Variants in FGF13 observed in about 807,000 individuals in gnomAD.
The protein encoded by FGF13 is fibroblast growth factor 13.
Under a neutral mutation model 19.5 loss-of-function variants are expected in FGF13, and 2 were observed. The ratio of observed to expected loss-of-function variants is 0.10; its 90% CI spans 0.04 to 0.32. The LOEUF (loss-of-function observed/expected upper bound fraction) is 0.32, where lower values mean the gene tolerates loss of function less well. Ranked by LOEUF, FGF13 falls within the 10% of genes least tolerant of loss-of-function variation. The pLI, the probability that FGF13 is intolerant of heterozygous loss-of-function variation, is 1.00. For synonymous variants in FGF13, 72 were observed against 76.9 expected, an observed-to-expected ratio of 0.94 and a Z score of 0.33; for missense variants, 113 against 192.7, an observed-to-expected ratio of 0.59 and a Z score of 2.45.
At chrX:138,989,622 C>G (rs1313035666) in intron 1 of FGF13, among the ~76,000 whole-genome samples, 1 of 110,836 alleles carries the variant, frequency 9.0e-6, no homozygotes, top group Non-Finnish European at 1.9e-5. Flanking sequence ...GGAAATAGCA[C>G]AGACATCTAA....
chrX:139,072,180 G>T (rs903659928), intron 1 of FGF13, among the ~76,000 whole-genome samples: 5 of 109,161 alleles, frequency 4.6e-5, no homozygotes, highest in Non-Finnish European at 9.5e-5. Context: ...AAGGTTAAAT[G>T]AGTTCATAAA....
Position 138,728,533 on chromosome X carries a change from T to C in FGF13, c.28+10709A>G, listed in dbSNP as rs113787667. 5.1e-3 allele frequency among the ~76,000 whole-genome samples: 567 copies of C among 111,178 alleles called. 3 individuals are homozygous for C. Among genetic ancestry groups the C allele is most frequent in the African/African-American group, 0.018 (537 of 30,621 alleles). ...TAATGGTCCTCAGGCACAAGTCTAA[T>C]ATATGCTAGTAAACAAATTTCAGAA... On this transcript the variant is annotated intron_variant, in intron 1 of 4. Transcript: ENST00000305414.
chrX:139,169,751 C>A (rs961450152), intron 1 of FGF13, among the ~76,000 whole-genome samples: 1 of 111,537 alleles, frequency 9.0e-6, no homozygotes, highest in Admixed American at 9.5e-5. Flanking sequence ...GATGCCTCAT[C>A]AGTGAGCCAC....
intron 1 of FGF13, among the ~76,000 whole-genome samples, chrX:139,138,216 C>T (rs773927601): frequency 2.7e-5 from 3 of 111,960 alleles, no homozygotes; most frequent in Non-Finnish European, 3.8e-5. Context: ...GATGGTAAAA[C>T]GGAAGGTTAG....
At position 138,952,703 on chromosome X, in the gene FGF13, T is replaced by A. The variant is rs2091819773; in HGVS notation, c.-112-88053A>T. 2.7e-5 allele frequency among the ~76,000 whole-genome samples: 3 copies of A among 111,579 alleles called. No individual in the cohort carries two copies. The South Asian group carries it at 1.1e-3, about 42-fold the overall frequency. On this transcript the variant is annotated intron_variant, in intron 1 of 2. Coordinates refer to the FGF13 transcript ENST00000421460. ...TCTGACAAAGGGCTAATATCCAGAA[T>A]CTACATTGAACATAAACAAATTTAC... is the stretch of plus-strand genomic sequence containing the variant.
chrX:138,940,097 T>G (rs1161743623), intron 1 of FGF13, among the ~76,000 whole-genome samples: 1 of 111,759 alleles, frequency 8.9e-6, no homozygotes, highest in African/African-American at 3.3e-5. Context: ...TTTTTACTTT[T>G]TAATAATGGC....
intron 1 of FGF13, among the ~76,000 whole-genome samples, chrX:139,122,412 C>T (rs2083683796): frequency 9.0e-6 from 1 of 111,218 alleles, no homozygotes; most frequent in African/African-American, 3.3e-5. Flanking sequence ...AGAACCTGCT[C>T]CAAGCAGGTT....
intron 1 of FGF13, among the ~76,000 whole-genome samples, chrX:139,069,779 A>G (rs1331115276): frequency 8.9e-6 from 1 of 112,000 alleles, no homozygotes; most frequent in African/African-American, 3.2e-5. Context: ...GCACGAAAAC[A>G]GAAATATAGA....
At chrX:138,944,665 C>G (rs777680447) in intron 1 of FGF13, among the ~76,000 whole-genome samples, 183 of 110,516 alleles carry the variant, frequency 1.7e-3, no homozygotes, top group Non-Finnish European at 2.9e-3. Flanking sequence ...TTCTAAGGGC[C>G]CCTCAAGTTC....
intron 1 of FGF13, among the ~76,000 whole-genome samples, chrX:138,917,661 C>G (rs2091624192): frequency 8.9e-6 from 1 of 112,253 alleles, no homozygotes; most frequent in African/African-American, 3.2e-5. Flanking sequence ...TTCAAGTTCA[C>G]TAAAGATTAT....
At chrX:139,085,258 C>T (rs191430983) in intron 1 of FGF13, among the ~76,000 whole-genome samples, 1 of 111,915 alleles carries the variant, frequency 8.9e-6, no homozygotes, top group Non-Finnish European at 1.9e-5. Context: ...GGATCTAGAA[C>T]CCAAAAGACC....
chrX:138,826,385 C>T (rs1320163354), intron 3 of FGF13, among the ~76,000 whole-genome samples: 2 of 112,266 alleles, frequency 1.8e-5, no homozygotes, highest in African/African-American at 6.5e-5. Context: ...ATTCCTAACT[C>T]ATTTCCATAA....
intron 1 of FGF13, among the ~76,000 whole-genome samples, chrX:138,867,691 G>A (rs762149139): frequency 1.1e-4 from 12 of 111,040 alleles, no homozygotes; most frequent in Non-Finnish European, 1.7e-4. Context: ...ATCTCCCACC[G>A]GGTCTCTCCC....
At chrX:138,650,528 C>T (rs1279307081) in intron 3 of FGF13, among the ~76,000 whole-genome samples, 2 of 111,614 alleles carry the variant, frequency 1.8e-5, no homozygotes, top group East Asian at 2.8e-4. Context: ...TTATGACTAG[C>T]CAAATATGAG....
chrX:139,199,108 A>G (rs1206267105), intron 1 of FGF13, among the ~76,000 whole-genome samples: 1 of 112,654 alleles, frequency 8.9e-6, no homozygotes, highest in Non-Finnish European at 1.9e-5. Context: ...CTGATATATC[A>G]TGGTGATGAT....
intron 1 of FGF13, among the ~76,000 whole-genome samples, chrX:138,928,215 T>A (rs181633643): frequency 4.5e-5 from 5 of 110,791 alleles, no homozygotes; most frequent in Admixed American, 1.9e-4. Flanking sequence ...CTTTGTAATA[T>A]GCCAAATTTG....
intron 1 of FGF13, among the ~76,000 whole-genome samples, chrX:139,001,337 G>A (rs929072386): frequency 4.5e-5 from 5 of 111,197 alleles, no homozygotes; most frequent in African/African-American, 1.6e-4. Context: ...TTGACAAGTG[G>A]GATCTAATTA....
chrX:139,165,032 A>C (rs1264328290), intron 1 of FGF13, among the ~76,000 whole-genome samples: 1 of 111,792 alleles, frequency 8.9e-6, no homozygotes, highest in African/African-American at 3.2e-5. Context: ...CTTCTTAGGG[A>C]TTACTTAAGT....
At position 138,800,430 on chromosome X, in the gene FGF13, TG is replaced by T. The variant is rs1441927054; in HGVS notation, c.217+57081del. Among the ~76,000 whole-genome samples, 3 of 112,105 alleles carry T rather than the reference TG, an allele frequency of 2.7e-5. No homozygotes were observed. In the Admixed American group the frequency reaches 2.8e-4, roughly 11 times the overall value. On this transcript the variant is annotated intron_variant, in intron 3 of 6. Coordinates refer to the FGF13 transcript ENST00000436198. ...ACTCTCTTCTGGCTTGTAGGGTTTC[TG>T]CACAGAGATCCGCTGTTAGTCTGAT...
Sources: gnomAD v4.1 joint callset for allele counts (sites outside exome capture counted in the v4.1 genomes callset) on GRCh38, gnomAD v4.1.1 for gene constraint, MANE v1.5 for transcripts, NCBI Gene and HGNC (gene_info 2026-07-23, HGNC 2026-07-21) for gene names.